The following AGBL4 variants were observed in gnomAD, a reference collection of about 807,000 sequenced individuals.
AGBL4 encodes cytosolic carboxypeptidase 6.
A neutral mutation model predicts 66.4 loss-of-function variants in AGBL4; 58 were observed. The observed-to-expected ratio is 0.87, with a 90% confidence interval of 0.71 to 1.09. The LOEUF (loss-of-function observed/expected upper bound fraction) is 1.09. Among genes scored for constraint, AGBL4 ranks in the 50% least tolerant of loss-of-function variants. The probability of loss-of-function intolerance (pLI) is 0.00; values close to 1 mark genes in which losing one functional copy is unlikely to be tolerated. For synonymous variants in AGBL4, 234 were observed against 222.9 expected, an observed-to-expected ratio of 1.05 and a Z score of -0.44; for missense variants, 579 against 631.0, an observed-to-expected ratio of 0.92 and a Z score of 0.88.
intron 3 of AGBL4, among the ~76,000 whole-genome samples, chr1:49,300,693 G>T (rs1398110757): frequency 6.6e-6 from 1 of 152,148 alleles, no homozygotes; most frequent in Non-Finnish European, 1.5e-5. Context: ...TAACATGGCA[G>T]TTTGTGCCCT....
At chr1:49,746,803 A>G (rs1475211575) in intron 2 of AGBL4, among the ~76,000 whole-genome samples, 1 of 152,114 alleles carries the variant, frequency 6.6e-6, no homozygotes, top group Non-Finnish European at 1.5e-5. Context: ...AGGAAGTGAT[A>G]TATTTCCAAA....
chr1:49,481,693 G>T (rs1023894639), intron 3 of AGBL4, among the ~76,000 whole-genome samples: 1 of 151,868 alleles, frequency 6.6e-6, no homozygotes, highest in African/African-American at 2.4e-5. Flanking sequence ...GGGCATCCTT[G>T]TCTTATGCTA....
rs1000014843 is a variant in AGBL4 at position 49,506,470 on chromosome 1, G to C, written c.282+190843C>G. Among the ~76,000 whole-genome samples the C allele has an allele frequency of 2.6e-5, 4 of 152,082 alleles. No homozygotes were observed. In the East Asian group the frequency reaches 7.7e-4, roughly 29 times the overall value. ...TGAATCATGGGGGTGGGTCTTTCTTGTGCTGTTCTCATGATAGTGAATCAG... is the reference window on the plus strand; with the variant it reads ...TGAATCATGGGGGTGGGTCTTTCTTCTGCTGTTCTCATGATAGTGAATCAG... On this transcript the variant is annotated intron_variant, in intron 3 of 13. Transcript: ENST00000371839.
intron 9 of AGBL4, among the ~76,000 whole-genome samples, chr1:48,620,576 A>G (rs1271617188): frequency 1.3e-5 from 2 of 152,178 alleles, no homozygotes; most frequent in Non-Finnish European, 2.9e-5. Context: ...TCTGTCTTTT[A>G]AAACCTACTT....
rs1644831338 is a variant in AGBL4 at position 49,305,421 on chromosome 1, A to G, written c.283-59557T>C. ...GTGGACCCTCCAGATACCAAAAGTCAGCTCTCCAAAAACACGAGTTTCACA... is the reference window on the plus strand; with the variant it reads ...GTGGACCCTCCAGATACCAAAAGTCGGCTCTCCAAAAACACGAGTTTCACA... On this transcript the variant is annotated intron_variant, in intron 3 of 13. Transcript: ENST00000371839. Among the ~76,000 whole-genome samples the G allele has an allele frequency of 2.0e-5, 3 of 152,202 alleles. No individual in the cohort carries two copies. The South Asian group carries it at 6.2e-4, about 32-fold the overall frequency.
chr1:48,762,001 A>G (rs1471460337), intron 6 of AGBL4, among the ~76,000 whole-genome samples: 1 of 152,216 alleles, frequency 6.6e-6, no homozygotes, highest in Non-Finnish European at 1.5e-5. Context: ...GAGGTAAGGC[A>G]GACGGGAGAA....
At chr1:48,943,864 C>A (rs1195961481) in intron 5 of AGBL4, among the ~76,000 whole-genome samples, 1 of 151,992 alleles carries the variant, frequency 6.6e-6, no homozygotes, top group Non-Finnish European at 1.5e-5. Flanking sequence ...GTGGTATTAA[C>A]CCTGCCTGAG....
At chr1:49,028,449 T>G (rs188357505) in intron 5 of AGBL4, among the ~76,000 whole-genome samples, 2 of 152,168 alleles carry the variant, frequency 1.3e-5, no homozygotes, top group East Asian at 3.9e-4. Flanking sequence ...TAATGAAAAA[T>G]AATTATACAT....
At chr1:48,539,829 AAC>A (rs1644035523) in intron 11 of AGBL4, 91 bp from the exon 12 acceptor site, 3 of 852,544 alleles carry the variant, frequency 3.5e-6, no homozygotes, top group Non-Finnish European at 5.0e-6. Flanking sequence ...CAGTAATAAA[AAC>A]AGTTACACAC....
intron 3 of AGBL4, among the ~76,000 whole-genome samples, chr1:49,378,710 G>A (rs993953268): frequency 1.3e-5 from 2 of 152,086 alleles, no homozygotes; most frequent in East Asian, 1.9e-4. Flanking sequence ...AGAAAGGAAG[G>A]CTTCTGTAGG....
At chr1:49,076,951 A>G (rs926619134) in intron 4 of AGBL4, among the ~76,000 whole-genome samples, 2 of 152,172 alleles carry the variant, frequency 1.3e-5, no homozygotes, top group Non-Finnish European at 2.9e-5. Context: ...CCAATTACAG[A>G]GAAACTTCAA....
chr1:49,844,906 G>C, intron 2 of AGBL4: 3 of 1,377,212 alleles, frequency 2.2e-6, no homozygotes, highest in Non-Finnish European at 3.1e-6. Flanking sequence ...GCCTGTTCAG[G>C]AGCAGTGACA....
At chr1:49,846,545 C>A in intron 2 of AGBL4, 1 of 538,320 alleles carries the variant, frequency 1.9e-6, no homozygotes, top group Non-Finnish European at 3.2e-6. Context: ...AGAGACAATC[C>A]ACTGAAGGAA....
chr1:49,021,682 C>T (rs1447928060), intron 5 of AGBL4, among the ~76,000 whole-genome samples: 1 of 152,146 alleles, frequency 6.6e-6, no homozygotes, highest in Non-Finnish European at 1.5e-5. Context: ...GGTACTTTGT[C>T]ATAGCAGCCA....
chr1:49,950,130 ATATATATACACATATGTG>A, intron 1 of AGBL4, among the ~76,000 whole-genome samples: 1 of 141,078 alleles, frequency 7.1e-6, no homozygotes, highest in African/African-American at 2.6e-5. Flanking sequence ...ACATATGTGT[ATATATATACACATATGTG>A]TATATATATA....
At chr1:48,832,630 C>T (rs545714171) in intron 6 of AGBL4, among the ~76,000 whole-genome samples, 21 of 152,242 alleles carry the variant, frequency 1.4e-4, no homozygotes, top group African/African-American at 4.8e-4. Context: ...GACTGGATCA[C>T]GGAGTGCCCA....
rs375550276 is a variant in AGBL4, at chr1:49,229,397, A to T, written c.377+16373T>A. Among the ~76,000 whole-genome samples the T allele has an allele frequency of 3.7e-4, 57 of 152,342 alleles. 2 individuals carry two copies. The South Asian group carries it at 0.01, about 28-fold the overall frequency. The stretch of plus-strand genomic sequence containing the variant: ...AAAAAGAGTAAGGAAGGAAAGAACT[A>T]ATACAAGTCATTTATGAAAGGTTGC... On this transcript the variant is annotated intron_variant, in intron 4 of 13. Transcript: ENST00000371839.
chr1:49,936,306 G>A (rs920394962), intron 1 of AGBL4, among the ~76,000 whole-genome samples: 7 of 152,160 alleles, frequency 4.6e-5, no homozygotes, highest in South Asian at 2.1e-4. Context: ...AAAAAGAAAC[G>A]AACAAAGCCT....
intron 3 of AGBL4, among the ~76,000 whole-genome samples, chr1:49,442,518 T>C (rs1317768692): frequency 1.3e-5 from 2 of 152,252 alleles, no homozygotes; most frequent in African/African-American, 4.8e-5. Context: ...TATCTTTCTG[T>C]GCCTGGATTA....
Sources: allele counts gnomAD v4.1 joint callset (sites outside exome capture counted in the v4.1 genomes callset), GRCh38; gene constraint gnomAD v4.1.1; transcripts MANE v1.5; gene names NCBI Gene and HGNC (gene_info 2026-07-23, HGNC 2026-07-21).